Variants in SLC25A28 observed in about 807,000 individuals in gnomAD.
The protein encoded by SLC25A28 is solute carrier family 25 member 28.
In SLC25A28, 10 loss-of-function variants were observed where a neutral mutation model predicts 31.9. The ratio of observed to expected loss-of-function variants is 0.31; its 90% CI spans 0.19 to 0.53. The LOEUF is 0.53. SLC25A28 is among the 20% of genes least tolerant of loss of function. The pLI is 0.95. For missense variants in SLC25A28, 256 were observed against 490.3 expected (o/e 0.52, Z 4.51); for synonymous variants, 208 against 203.6 (o/e 1.02, Z -0.19).
At chr10:99,655,611 TC>T in the SLC25A28 span, among the ~76,000 whole-genome samples, 1 of 152,184 alleles carries the variant, frequency 6.6e-6, no homozygotes, top group African/African-American at 2.4e-5. Flanking sequence ...TTTTTTTCTT[TC>T]AATAATTTTG....
chr10:99,625,920 T>G, the SLC25A28 span, among the ~76,000 whole-genome samples: 1 of 152,242 alleles, frequency 6.6e-6, no homozygotes, highest in East Asian at 1.9e-4. Flanking sequence ...TGAGGCATCC[T>G]ATCACCTCAG....
chr10:99,624,695 C>T (rs759446739), upstream of SLC25A28, among the ~76,000 whole-genome samples: 20 of 152,064 alleles, frequency 1.3e-4, no homozygotes, highest in Middle Eastern at 6.8e-3. Flanking sequence ...ATTAGCCAGG[C>T]GTGGTGGCGT....
the SLC25A28 span, among the ~76,000 whole-genome samples, chr10:99,654,354 A>C: frequency 1.3e-5 from 2 of 152,202 alleles, no homozygotes; most frequent in Non-Finnish European, 2.9e-5. Flanking sequence ...TGTTATCAAG[A>C]ACCCAGTTTG....
At chr10:99,636,807 G>A in the SLC25A28 span, among the ~76,000 whole-genome samples, 61,797 of 151,844 alleles carry the variant, frequency 0.41, 12,821 homozygotes, top group East Asian at 0.6. Flanking sequence ...AAAAATTACC[G>A]ACAACAAAAA....
chr10:99,630,573 A>G, the SLC25A28 span, among the ~76,000 whole-genome samples: 1 of 152,290 alleles, frequency 6.6e-6, no homozygotes, highest in African/African-American at 2.4e-5. Context: ...TGATATCACC[A>G]CACTAGTTCT....
intron 1 of SLC25A28, chr10:99,616,655 T>A: frequency 1.0e-6 from 1 of 985,458 alleles, no homozygotes; most frequent in Non-Finnish European, 1.2e-6. Flanking sequence ...GAAGGTCATA[T>A]GTTCAGGGAC....
In SLC25A28 at chr10:99,610,788, C is replaced by CA. The variant is rs2034502098; in HGVS notation, c.*60dup. On this transcript the variant is annotated 3_prime_UTR_variant, in exon 4 of 4. Transcript: ENST00000370495. ...CTTGAGGTGGGAGCATTCCAGGAGACAGAGAATGTGACCAGGATGCAGCAG... is the reference window on the plus strand; with the variant it reads ...CTTGAGGTGGGAGCATTCCAGGAGACAAGAGAATGTGACCAGGATGCAGCAG... The CA allele has an allele frequency of 1.3e-5, 20 of 1,559,324 alleles. No individual in the cohort carries two copies. In the Admixed American group the frequency reaches 2.6e-4, roughly 21 times the overall value.
At chr10:99,642,731 A>C in the SLC25A28 span, among the ~76,000 whole-genome samples, 1 of 152,152 alleles carries the variant, frequency 6.6e-6, no homozygotes, top group Non-Finnish European at 1.5e-5. Context: ...TTATTTTGAG[A>C]CATGTCCCAT....
chr10:99,625,198 C>G (rs539985229), upstream of SLC25A28, among the ~76,000 whole-genome samples: 37 of 151,918 alleles, frequency 2.4e-4, no homozygotes, highest in African/African-American at 8.5e-4. Context: ...AAAGAGTGAG[C>G]ACCAGCAAGA....
chr10:99,641,640 C>T, the SLC25A28 span, among the ~76,000 whole-genome samples: 1 of 152,118 alleles, frequency 6.6e-6, no homozygotes, highest in African/African-American at 2.4e-5. Context: ...GAAGTCCTTG[C>T]CCATGCCTAT....
chr10:99,617,462 C>T (rs2034685008), intron 1 of SLC25A28: 1 of 985,242 alleles, frequency 1.0e-6, no homozygotes, highest in African/African-American at 1.7e-5. Context: ...GCTCCAACAA[C>T]ATGGATATCT....
In SLC25A28 at chr10:99,620,437, C is replaced by A. The variant is rs1387979653; in HGVS notation, c.-102G>T. On this transcript the variant is annotated 5_prime_UTR_variant, in exon 1 of 4. Transcript: ENST00000370495. ...TCCGCCTCAGGCGCGGCCCAGAGAG[C>A]CCGGGGCCTCCGGCTCCCGCTTGGC... 11 of 1,045,604 alleles carry A rather than the reference C, an allele frequency of 1.1e-5. No homozygotes were observed. The highest frequency in any genetic ancestry group is 1.1e-5 in the Non-Finnish European group (10 of 869,834). 64.8% of individuals were successfully genotyped at this position (1,045,604 alleles called of 1,614,324 possible). A position where few individuals can be genotyped will look rare whatever the true frequency, so the allele number is the denominator to read the frequency against.
chr10:99,642,615 G>C, the SLC25A28 span, among the ~76,000 whole-genome samples: 164 of 152,284 alleles, frequency 1.1e-3, no homozygotes, highest in African/African-American at 3.6e-3. Flanking sequence ...GAATAGGAGT[G>C]GTGAGAGAGG....
At chr10:99,641,701 T>G in the SLC25A28 span, among the ~76,000 whole-genome samples, 1 of 152,150 alleles carries the variant, frequency 6.6e-6, no homozygotes, top group South Asian at 2.1e-4. Flanking sequence ...TGGTTTTAGA[T>G]CTAACATTTA....
chr10:99,652,376 A>G, the SLC25A28 span, among the ~76,000 whole-genome samples: 1 of 152,228 alleles, frequency 6.6e-6, no homozygotes, highest in Non-Finnish European at 1.5e-5. Flanking sequence ...GCCTGAGAAC[A>G]CAGAGGAAAG....
chr10:99,620,435 A>G lies in SLC25A28; in HGVS notation c.-100T>C, dbSNP rs2034764571. ...TGTCCGCCTCAGGCGCGGCCCAGAG[A>G]GCCCGGGGCCTCCGGCTCCCGCTTG... On this transcript the variant is annotated 5_prime_UTR_variant, in exon 1 of 4. Coordinates refer to ENST00000370495, the MANE Select transcript of SLC25A28 (RefSeq NM_031212.4). 9.6e-7 allele frequency: 1 copy of G among 1,044,760 alleles called. No homozygotes were observed. Among genetic ancestry groups the G allele is most frequent in the Non-Finnish European group, 1.2e-6 (1 of 869,560 alleles). 64.7% of individuals were successfully genotyped at this position (1,044,760 alleles called of 1,614,324 possible).
chr10:99,637,397 C>G, the SLC25A28 span, among the ~76,000 whole-genome samples: 2 of 152,138 alleles, frequency 1.3e-5, no homozygotes, highest in African/African-American at 4.8e-5. Flanking sequence ...GTTGCCCACT[C>G]TCACCACTCC....
At chr10:99,620,458 T>C (rs1388748146), upstream of SLC25A28, 25 of 1,046,740 alleles carry the variant, frequency 2.4e-5, no homozygotes, top group Non-Finnish European at 1.6e-5. Context: ...CGGCTCCCGC[T>C]TGGCCCCGCG....
chr10:99,650,213 T>C, the SLC25A28 span, among the ~76,000 whole-genome samples: 1 of 152,202 alleles, frequency 6.6e-6, no homozygotes, highest in East Asian at 1.9e-4. Flanking sequence ...GGTTTCATTC[T>C]GTCACCCAGG....
Sources: gnomAD v4.1 joint callset for allele counts (sites outside exome capture counted in the v4.1 genomes callset) on GRCh38, gnomAD v4.1.1 for gene constraint, MANE v1.5 for transcripts, NCBI Gene and HGNC (gene_info 2026-07-23, HGNC 2026-07-21) for gene names.